Variants in ZNF888 observed in about 807,000 individuals in gnomAD.
The protein encoded by ZNF888 is CTD-2331H12.6.
ZNF888 carries 5 observed loss-of-function variants against 7.2 expected under a neutral mutation model. The ratio of observed to expected loss-of-function variants is 0.70; its 90% CI spans 0.36 to 1.46. The LOEUF is 1.46. ZNF888 is among the 40% of genes most tolerant of loss of function. The pLI is 0.03. For synonymous variants in ZNF888, 240 were observed against 284.3 expected (o/e 0.84, Z 1.57); for missense variants, 716 against 858.0 (o/e 0.83, Z 2.07).
intron 4 of ZNF888, among the ~76,000 whole-genome samples, chr19:52,913,320 C>CTT (rs34481338): frequency 0.018 from 1,645 of 92,030 alleles, 41 homozygotes; most frequent in African/African-American, 0.021. Flanking sequence ...GTTATGGATT[C>CTT]TTTTTTTTTT....
At chr19:52,909,676 G>A (rs142379091) in intron 4 of ZNF888, among the ~76,000 whole-genome samples, 1,868 of 152,020 alleles carry the variant, frequency 0.012, 37 homozygotes, top group African/African-American at 0.043. Context: ...ATAAAATACT[G>A]TAACCCATGA....
In ZNF888 at chr19:52,913,333, T is replaced by TC. The variant is rs1210146264; in HGVS notation, c.142+1862_142+1863insG. ...AGGTTATGGATTCTTTTTTTTTTTT[T>TC]TTTTTTTTTGAGATGGAGTCTCACT... On this transcript the variant is annotated intron_variant, in intron 4 of 4. Coordinates refer to ENST00000638862, the MANE Select transcript of ZNF888 (RefSeq NM_001393938.1). Among the ~76,000 whole-genome samples the TC allele has an allele frequency of 2.1e-5, 3 of 144,034 alleles. No individual in the cohort carries two copies. In the East Asian group the frequency reaches 6.0e-4, roughly 29 times the overall value. 94.5% of individuals were successfully genotyped at this position (144,034 alleles called of 152,430 possible).
chr19:52,912,313 CCA>C (rs2064693267), intron 4 of ZNF888, among the ~76,000 whole-genome samples: 1 of 149,906 alleles, frequency 6.7e-6, no homozygotes. Flanking sequence ...TGGGGTTTCA[CCA>C]TGTTAGCCAG....
rs146128777 is a variant in ZNF888, at chr19:52,912,883, A to G, written c.142+2313T>C. On this transcript the variant is annotated intron_variant, in intron 4 of 4. Coordinates refer to ENST00000638862, the MANE Select transcript of ZNF888 (RefSeq NM_001393938.1). ...AGCACTTTGGGAGGATGAGCCAGGC[A>G]GATCAACTGAGGTCGGGAGTTTGAG... Among the ~76,000 whole-genome samples the G allele has an allele frequency of 3.5e-3, 533 of 152,218 alleles. 4 individuals are homozygous for G. The highest frequency in any genetic ancestry group is 0.012 in the African/African-American group (509 of 41,548).
Position 52,906,341 on chromosome 19 carries a change from G to A in ZNF888, c.1981C>T (p.Pro661Ser), listed in dbSNP as rs1442418446. ...QHQRVHTGEK[P>S]YKCKVCDKAF... is the part of the protein sequence containing the mutation. ...TTGTCACAAACCTTACATTTGTATG[G>A]TTTCTCTCCAGTGTGAACTCTCTGA... Residue 661 changes from proline (P) to serine (S), a missense_variant, in exon 5 of 5, where the codon CCA becomes TCA. By Grantham distance (74) the Pro-to-Ser change is moderately conservative. Around this residue, in one of 2 missense-constraint regions of ZNF888, gnomAD observed 697 missense variants for 803.4 expected, o/e 0.87. Transcript: ENST00000638862. 1.9e-6 allele frequency: 3 copies of A among 1,613,764 alleles called. No homozygotes were observed. The highest frequency in any genetic ancestry group is 1.7e-6 in the Non-Finnish European group (2 of 1,179,848).
chr19:52,919,602 T>C (rs1175534469), intron 1 of ZNF888, among the ~76,000 whole-genome samples: 2 of 68,798 alleles, frequency 2.9e-5, no homozygotes, highest in East Asian at 3.2e-4. Context: ...GTGAGGAGCG[T>C]CTCTGCCTGG....
chr19:52,923,021 G>A (rs1164504517), intron 1 of ZNF888, among the ~76,000 whole-genome samples: 1 of 152,158 alleles, frequency 6.6e-6, no homozygotes, highest in Non-Finnish European at 1.5e-5. Flanking sequence ...GGCTCCAGGG[G>A]CCGACGAGGG....
chr19:52,912,626 AG>A (rs1455600177), intron 4 of ZNF888, among the ~76,000 whole-genome samples: 1 of 150,778 alleles, frequency 6.6e-6, no homozygotes, highest in Non-Finnish European at 1.5e-5. Context: ...GCTACTTGAG[AG>A]GCTGAGACAG....
At position 52,906,249 on chromosome 19, in the gene ZNF888, C is replaced by T. The variant is rs908961513; in HGVS notation, c.2073G>A (p.Lys691=). Residue 691 remains lysine, a synonymous_variant, in exon 5 of 5, where the codon AAG becomes AAA. Coordinates refer to ENST00000638862, the MANE Select transcript of ZNF888 (RefSeq NM_001393938.1). ...TRIHTGEKPF[K]CSECGKAFRA... is the part of the protein sequence containing the mutation. The stretch of plus-strand genomic sequence containing the variant: ...GAAAGGCTTTGCCACACTCACTACA[C>T]TTGAAAGGTTTCTCTCCAGTATGAA... The T allele has an allele frequency of 9.3e-6, 15 of 1,611,118 alleles. No homozygotes were observed. In the African/African-American group the frequency reaches 2.0e-4, roughly 22 times the overall value.
chr19:52,909,957 T>A, intron 4 of ZNF888, among the ~76,000 whole-genome samples: 1 of 149,196 alleles, frequency 6.7e-6, no homozygotes, highest in African/African-American at 2.5e-5. Flanking sequence ...AGGTCAGGAG[T>A]TCTAGAACAG....
At chr19:52,911,617 C>T (rs926619751) in intron 4 of ZNF888, among the ~76,000 whole-genome samples, 5 of 151,076 alleles carry the variant, frequency 3.3e-5, no homozygotes, top group East Asian at 4.0e-4. Flanking sequence ...GGATTACAGG[C>T]GTGAGCCACC....
chr19:52,916,824 A>T (rs78720048), intron 3 of ZNF888, among the ~76,000 whole-genome samples: 10,554 of 151,790 alleles, frequency 0.07, 1,218 homozygotes, highest in African/African-American at 0.24. Context: ...AGGATGAAGA[A>T]TCACTTGAAC....
intron 4 of ZNF888, among the ~76,000 whole-genome samples, chr19:52,908,644 C>A (rs1266755998): frequency 6.6e-6 from 1 of 152,004 alleles, no homozygotes; most frequent in East Asian, 1.9e-4. Flanking sequence ...CAATGGAAAT[C>A]CTGTACTGTC....
At chr19:52,909,904 G>A (rs890974828) in intron 4 of ZNF888, among the ~76,000 whole-genome samples, 3 of 152,032 alleles carry the variant, frequency 2.0e-5, no homozygotes, top group African/African-American at 7.2e-5. Context: ...GCTCATGCCT[G>A]TAATCCCAGG....
chr19:52,916,818 T>G (rs1054387331), intron 3 of ZNF888, among the ~76,000 whole-genome samples: 1 of 151,576 alleles, frequency 6.6e-6, no homozygotes, highest in African/African-American at 2.4e-5. Context: ...GCCTGGAGGA[T>G]GAAGAATCAC....
At chr19:52,912,303 T>C (rs182365891) in intron 4 of ZNF888, among the ~76,000 whole-genome samples, 8,035 of 136,736 alleles carry the variant, frequency 0.059, 267 homozygotes, top group African/African-American at 0.08. Flanking sequence ...TTAGTAGAGA[T>C]GGGGTTTCAC....
chr19:52,917,944 A>G lies in ZNF888; in HGVS notation c.-58-13T>C, dbSNP rs899290058. On this transcript the variant is annotated splice_polypyrimidine_tract_variant and intron_variant, in intron 2 of 4. Transcript: ENST00000638862. ...ACATACCCAGAGTCTTTAGAAGTCA[A>G]TCATGAATGTTAGAAATATGTTGTT... The G allele has an allele frequency of 2.7e-5, 44 of 1,606,364 alleles. No homozygotes were observed. The Middle Eastern group carries it at 8.3e-4, about 30-fold the overall frequency.
At position 52,905,354 on chromosome 19, in the gene ZNF888, C is replaced by T. The variant is rs1215250636; in HGVS notation, c.*811G>A. 1 of 152,456 alleles carries T rather than the reference C, an allele frequency of 6.6e-6. No homozygotes were observed. The highest frequency in any genetic ancestry group is 2.4e-5 in the African/African-American group (1 of 41,012). 9.4% of individuals were successfully genotyped at this position (152,456 alleles called of 1,614,324 possible). Reference sequence around the variant, plus strand: ...ACAACCCCCTTTGATTGTAACTTTCCACTACCTACCCAAATCCTATAAAAC... The same window carrying T: ...ACAACCCCCTTTGATTGTAACTTTCTACTACCTACCCAAATCCTATAAAAC... On this transcript the variant is annotated 3_prime_UTR_variant, in exon 5 of 5. Transcript: ENST00000638862.
chr19:52,912,324 A>G (rs1339238663), intron 4 of ZNF888, among the ~76,000 whole-genome samples: 218 of 148,910 alleles, frequency 1.5e-3, no homozygotes, highest in African/African-American at 5.1e-3. Context: ...CATGTTAGCC[A>G]GGATGGCCTC....
Sources: allele counts gnomAD v4.1 joint callset (sites outside exome capture counted in the v4.1 genomes callset), GRCh38; gene constraint gnomAD v4.1.1; regional missense constraint gnomAD v4.1.1; transcripts MANE v1.5; gene names NCBI Gene and HGNC (gene_info 2026-07-23, HGNC 2026-07-21).